PGAP2: variants seen among roughly 807,000 people sequenced by gnomAD.
PGAP2 encodes post-GPI attachment to proteins 2, also known as acyltransferase PGAP2.
PGAP2 carries 21 observed loss-of-function variants against 33.2 expected under a neutral mutation model. The observed-to-expected ratio is 0.63, with a 90% CI of 0.45 to 0.91. PGAP2 has a LOEUF of 0.91. PGAP2 is among the 40% of genes least tolerant of loss of function. The pLI is 0.00. For missense variants in PGAP2, 345 were observed against 424.0 expected (o/e 0.81, Z 1.64); for synonymous variants, 161 against 172.9 (o/e 0.93, Z 0.54).
intron 1 of PGAP2, among the ~76,000 whole-genome samples, chr11:3,801,809 G>C (rs1010012392): frequency 1.3e-5 from 2 of 151,940 alleles, no homozygotes; most frequent in African/African-American, 4.8e-5. Context: ...GCCAGGCATA[G>C]TTGCCCACGC....
Position 3,811,289 on chromosome 11 carries a change from G to A in PGAP2, c.30G>A (p.Arg10=). 1.2e-6 allele frequency: 2 copies of A among 1,614,018 alleles called. No individual in the cohort carries two copies. The highest frequency in any genetic ancestry group is 1.7e-6 in the Non-Finnish European group (2 of 1,179,938). ...ACCAGGTCCCACTACCACTGGATCG[G>A]GATGGGACCCTGGTACGGCTCCGCT... The part of the protein sequence containing the change: MYQVPLPLD[R]DGTLVRLRFT... Residue 10 remains arginine (R), a synonymous_variant, in exon 2 of 7, where the codon CGG becomes CGA. Transcript: ENST00000278243. The surrounding 1 kb of genome is among the most constrained non-coding windows in gnomAD (Gnocchi z 4.6).
At chr11:3,823,110 C>A in intron 3 of PGAP2, 1 of 558,294 alleles carries the variant, frequency 1.8e-6, no homozygotes, top group Non-Finnish European at 3.0e-6. Flanking sequence ...AATCTCGGCT[C>A]ACTGCAAGCT....
exon 1 of PGAP2, chr11:3,797,882 G>A (rs2134037335): frequency 6.5e-7 from 1 of 1,550,238 alleles, no homozygotes; most frequent in Middle Eastern, 1.7e-4. Flanking sequence ...TGTCGGGAAG[G>A]GTGGTGACGC....
At position 3,823,846 on chromosome 11, in the gene PGAP2, G is replaced by A; in HGVS notation, c.349-37G>A. The A allele has an allele frequency of 5.0e-6, 8 of 1,597,226 alleles. No homozygotes were observed. The Admixed American group carries it at 8.3e-5, about 17-fold the overall frequency. ...AAGGTTCTCCACATGGGCGGGGCTG[G>A]CAGAGGCAGATGCCCAGACAGGTCA... is the stretch of plus-strand genomic sequence containing the variant. On this transcript the variant is annotated intron_variant, in intron 3 of 6. Transcript: ENST00000278243.
chr11:3,814,747 CTTTT>C (rs1454312749), intron 2 of PGAP2, among the ~76,000 whole-genome samples: 1 of 102,144 alleles, frequency 9.8e-6, no homozygotes, highest in Non-Finnish European at 2.1e-5. Flanking sequence ...TTCTTTCCTT[CTTTT>C]CTTTCTTTCT....
At chr11:3,814,378 T>C (rs2134475053) in intron 2 of PGAP2, among the ~76,000 whole-genome samples, 1 of 152,276 alleles carries the variant, frequency 6.6e-6, no homozygotes, top group South Asian at 2.1e-4. Flanking sequence ...TGCCTCAGCC[T>C]CCTGAGTAGC....
At chr11:3,817,692 G>C (rs761083822) in intron 3 of PGAP2, 157 bp downstream of exon 3, 21 of 708,714 alleles carry the variant, frequency 3.0e-5, no homozygotes, top group South Asian at 2.5e-4. Context: ...GATAATTCAT[G>C]GGGGGAGACT....
At chr11:3,799,804 A>G (rs73430467) in intron 1 of PGAP2, among the ~76,000 whole-genome samples, 29,861 of 152,066 alleles carry the variant, frequency 0.2, 3,446 homozygotes, top group African/African-American at 0.31. Context: ...CCCCACCTAT[A>G]CAAAAAATTA....
chr11:3,817,712 T>C (rs555759251), intron 3 of PGAP2, 177 bp downstream of exon 3: 3 of 704,578 alleles, frequency 4.3e-6, no homozygotes, highest in Non-Finnish European at 5.2e-6. Flanking sequence ...TCAGAGAGAA[T>C]AGAATCACAG....
At chr11:3,808,536 G>A (rs2084879813), upstream of PGAP2, 4 of 1,398,602 alleles carry the variant, frequency 2.9e-6, no homozygotes, top group South Asian at 3.1e-5. Flanking sequence ...GTTCCGCCCC[G>A]AGAGCGCCGG....
upstream of PGAP2, chr11:3,808,209 T>G (rs2084790990): frequency 6.6e-7 from 1 of 1,511,902 alleles, no homozygotes; most frequent in East Asian, 2.5e-5. Flanking sequence ...ATAGTTCGGT[T>G]AGAATGGAGG....
chr11:3,814,772 C>CT (rs779048281), intron 2 of PGAP2, among the ~76,000 whole-genome samples: 1 of 101,032 alleles, frequency 9.9e-6, no homozygotes, highest in South Asian at 3.5e-4. Flanking sequence ...TTCTTTCTTT[C>CT]TTTCTTTCTT....
chr11:3,819,451 T>C (rs907976616), intron 3 of PGAP2, among the ~76,000 whole-genome samples: 2 of 151,746 alleles, frequency 1.3e-5, no homozygotes. Context: ...GAAAGTGGGA[T>C]TGACAGCAAA....
rs1214129304 is a variant in PGAP2, at chr11:3,825,329, G to A, written c.819G>A (p.Val273=). 3.7e-6 allele frequency: 6 copies of A among 1,613,530 alleles called. No individual in the cohort carries two copies. Among genetic ancestry groups the A allele is most frequent in the Non-Finnish European group, 3.4e-6 (4 of 1,179,720 alleles). Residue 273 remains valine, a splice_region_variant and synonymous_variant, in exon 7 of 7, where the codon GTG becomes GTA. Coordinates refer to ENST00000278243, the MANE Select transcript of PGAP2 (RefSeq NM_014489.4). ...CTGTTCCTTGTGTCCTCACAACAGTGTACACCATCTTTGCCATCCTGGAGT... is the reference window on the plus strand; with the variant it reads ...CTGTTCCTTGTGTCCTCACAACAGTATACACCATCTTTGCCATCCTGGAGT... ...FRHNMYCEAG[V]YTIFAILEYT... is the part of the protein sequence containing the mutation.
intron 3 of PGAP2, among the ~76,000 whole-genome samples, chr11:3,822,703 C>G (rs957118909): frequency 4.6e-5 from 7 of 152,304 alleles, no homozygotes; most frequent in Admixed American, 3.9e-4. Flanking sequence ...TCTGCATTTT[C>G]AAACAATTCC....
Position 3,820,685 on chromosome 11 carries a change from C to T in PGAP2, c.348+3150C>T, listed in dbSNP as rs541288635. Among the ~76,000 whole-genome samples, 8 of 151,940 alleles carry T rather than the reference C, an allele frequency of 5.3e-5. No individual in the cohort carries two copies. In the East Asian group the frequency reaches 5.8e-4, roughly 11 times the overall value. On this transcript the variant is annotated intron_variant, in intron 3 of 6. Transcript: ENST00000278243. ...CAAAAAAAAAAAGAAAAATTAGCTG[C>T]GTGTGGTGGCACCTCTAGTCCCAGC...
At chr11:3,804,557 T>A (rs1590137927), upstream of PGAP2, among the ~76,000 whole-genome samples, 1 of 152,318 alleles carries the variant, frequency 6.6e-6, no homozygotes, top group East Asian at 1.9e-4. Flanking sequence ...ACCCCAGCCA[T>A]GCTCACTGTG....
At chr11:3,804,523 G>C (rs1290673758), upstream of PGAP2, among the ~76,000 whole-genome samples, 1 of 152,128 alleles carries the variant, frequency 6.6e-6, no homozygotes, top group African/African-American at 2.4e-5. Context: ...GTCTTTAGCA[G>C]TCTATGTCCC....
In PGAP2 at chr11:3,824,089, C is replaced by A. The variant is rs1343214533; in HGVS notation, c.555C>A (p.Asn185Lys). 2 of 1,614,196 alleles carry A rather than the reference C, an allele frequency of 1.2e-6. No individual in the cohort carries two copies. The highest frequency in any genetic ancestry group is 1.7e-6 in the Non-Finnish European group (2 of 1,180,040). ...ACTTCGGCCTCAATGTCGTGGAGAA[C>A]CTCGCGTTGCTAGTGCTCACTTATG... ...RLNFGLNVVE[N>K]LALLVLTYVS... Residue 185 changes from asparagine (N) to lysine (K), a missense_variant, in exon 4 of 7, where the codon AAC (asparagine) becomes AAA (lysine). Physicochemically the swap from Asn to Lys is moderately conservative, Grantham distance 94. This residue lies in a region of PGAP2 where 311 missense variants were observed against 353.6 expected (regional missense o/e 0.88). Coordinates refer to ENST00000278243, the MANE Select transcript of PGAP2 (RefSeq NM_014489.4).
Sources: gnomAD v4.1 joint callset for allele counts (sites outside exome capture counted in the v4.1 genomes callset) on GRCh38, gnomAD v4.1.1 for gene constraint, gnomAD v4.1.1 regional missense constraint, Gnocchi (gnomAD v3.1) non-coding constraint, MANE v1.5 for transcripts, NCBI Gene and HGNC (gene_info 2026-07-23, HGNC 2026-07-21) for gene names.